Variants in TCF20 observed in about 807,000 individuals in gnomAD.
TCF20 encodes the protein SPRE-binding protein.
In TCF20, 3 loss-of-function variants were observed where a neutral mutation model predicts 148.6. The ratio of observed to expected loss-of-function variants is 0.02; its 90% CI spans 0.01 to 0.05. The LOEUF (loss-of-function observed/expected upper bound fraction) is 0.05. Ranked by LOEUF, TCF20 falls within the 10% of genes least tolerant of loss-of-function variation. The pLI is 1.00. For missense variants in TCF20, 2,350 were observed against 2,429.3 expected (o/e 0.97, Z 0.69); for synonymous variants, 1,049 against 909.5 (o/e 1.15, Z -2.76).
chr22:42,213,731 G>A lies in TCF20; in HGVS notation c.1575C>T (p.Ser525=). The A allele has an allele frequency of 6.2e-7, 1 of 1,614,080 alleles. No individual in the cohort carries two copies. Among genetic ancestry groups the A allele is most frequent in the Non-Finnish European group, 8.5e-7 (1 of 1,179,986 alleles). Residue 525 remains serine (S), a synonymous_variant, in exon 2 of 6, where the codon AGC becomes AGT. Transcript: ENST00000677622. ...CTCTCTCGCCTTGATCCTCTGAACT[G>A]CTGGAGCAGCCTCCATCTAATGACT... The part of the protein sequence containing the change: ...MAESLDGGCS[S]SSEDQGERVR...
intron 3 of TCF20, among the ~76,000 whole-genome samples, chr22:42,175,590 C>T (rs986180558): frequency 2.6e-5 from 4 of 152,150 alleles, no homozygotes; most frequent in Admixed American, 1.3e-4. Context: ...CCGCCCACTT[C>T]GGCCTCCCAA....
intron 1 of TCF20, among the ~76,000 whole-genome samples, chr22:42,312,099 T>C (rs1476224814): frequency 6.6e-6 from 1 of 152,090 alleles, no homozygotes; most frequent in East Asian, 1.9e-4. Context: ...CAGGAAGTAG[T>C]GATAGGGTAT....
At chr22:42,236,583 C>T (rs143879709) in intron 1 of TCF20, among the ~76,000 whole-genome samples, 3,093 of 152,292 alleles carry the variant, frequency 0.02, 49 homozygotes, top group Non-Finnish European at 0.032. Flanking sequence ...TCCCTTCTTC[C>T]CTGACCACTG....
intron 1 of TCF20, among the ~76,000 whole-genome samples, chr22:42,309,328 A>C (rs1040804494): frequency 2.6e-5 from 4 of 152,010 alleles, no homozygotes; most frequent in Non-Finnish European, 2.9e-5. Context: ...GGAACAGGGT[A>C]GGCTAGACAA....
rs1181801999 is a variant in TCF20 at position 42,161,496 on chromosome 22, T to C, written c.*45-138A>G. The C allele has an allele frequency of 3.2e-5, 36 of 1,132,130 alleles. 1 individual carries two copies. The highest frequency in any genetic ancestry group is 4.0e-5 in the Non-Finnish European group (31 of 771,526). The allele number at this position is 1,132,130 out of a possible 1,614,324, so 70.1% of individuals were successfully genotyped here. A position where few individuals can be genotyped will look rare whatever the true frequency, so the allele number is the denominator to read the frequency against. On this transcript the variant is annotated intron_variant, in intron 5 of 5. Transcript: ENST00000677622. ...CCCCTCTGCAGATGTGCTGCTGATATGGGACACACCCGAGACCAATGCCAG... is the reference window on the plus strand; with the variant it reads ...CCCCTCTGCAGATGTGCTGCTGATACGGGACACACCCGAGACCAATGCCAG...
chr22:42,191,062 C>T (rs1937307872), intron 2 of TCF20, among the ~76,000 whole-genome samples: 1 of 152,290 alleles, frequency 6.6e-6, no homozygotes, highest in Middle Eastern at 3.4e-3. Context: ...AAATAAAATA[C>T]ATCCATTTGC....
intron 4 of TCF20, among the ~76,000 whole-genome samples, 175 bp downstream of exon 4, chr22:42,169,672 T>A (rs1936001432): frequency 6.6e-6 from 1 of 151,816 alleles, no homozygotes; most frequent in African/African-American, 2.4e-5. Context: ...ATGCCACGGG[T>A]CTCCCTTCAG....
chr22:42,257,835 A>C (rs1169825783), intron 1 of TCF20, among the ~76,000 whole-genome samples: 1 of 152,200 alleles, frequency 6.6e-6, no homozygotes, highest in Non-Finnish European at 1.5e-5. Context: ...GGAGCCCAGC[A>C]CGGAAGAGAT....
At chr22:42,198,806 C>T (rs1361373528) in intron 2 of TCF20, among the ~76,000 whole-genome samples, 12 of 151,896 alleles carry the variant, frequency 7.9e-5, no homozygotes, top group Non-Finnish European at 1.5e-4. Flanking sequence ...GGACTACAGG[C>T]GCCCGCCACC....
At chr22:42,183,464 C>A (rs1936880339) in intron 2 of TCF20, among the ~76,000 whole-genome samples, 1 of 152,192 alleles carries the variant, frequency 6.6e-6, no homozygotes, top group African/African-American at 2.4e-5. Context: ...TCAGGGAGAC[C>A]TGATGATTTG....
intron 1 of TCF20, among the ~76,000 whole-genome samples, chr22:42,265,472 CTTT>C (rs1005932868): frequency 6.6e-6 from 1 of 152,132 alleles, no homozygotes; most frequent in African/African-American, 2.4e-5. Flanking sequence ...CACATCTGGC[CTTT>C]TTTATTTTGC....
intron 2 of TCF20, among the ~76,000 whole-genome samples, chr22:42,182,583 T>C (rs114686460): frequency 1.0e-3 from 157 of 152,330 alleles, no homozygotes; most frequent in African/African-American, 3.7e-3. Flanking sequence ...ATGATTAATT[T>C]ATAACATTGC....
chr22:42,309,657 C>T (rs1245339860), intron 1 of TCF20, among the ~76,000 whole-genome samples: 1 of 101,576 alleles, frequency 9.8e-6, no homozygotes, highest in Non-Finnish European at 2.0e-5. Flanking sequence ...AACGCCCCTG[C>T]AACTCCCCAC....
At chr22:42,183,589 T>A (rs973864130) in intron 2 of TCF20, among the ~76,000 whole-genome samples, 1 of 152,102 alleles carries the variant, frequency 6.6e-6, no homozygotes, top group African/African-American at 2.4e-5. Flanking sequence ...GACTCTGGAC[T>A]TTTCCAAAGC....
chr22:42,332,783 A>G (rs148473366), intron 1 of TCF20, among the ~76,000 whole-genome samples: 2 of 152,340 alleles, frequency 1.3e-5, no homozygotes, highest in African/African-American at 2.4e-5. Flanking sequence ...AATTTCTGAT[A>G]AAGCAACTGC....
chr22:42,322,956 G>A (rs1200962984), intron 1 of TCF20, among the ~76,000 whole-genome samples: 3 of 151,344 alleles, frequency 2.0e-5, no homozygotes, highest in Non-Finnish European at 4.4e-5. Flanking sequence ...GCCCAGGCTG[G>A]AGTGCAATGG....
intron 1 of TCF20, among the ~76,000 whole-genome samples, chr22:42,232,794 G>A (rs1375516639): frequency 1.6e-5 from 2 of 122,694 alleles, no homozygotes; most frequent in South Asian, 3.0e-4. Context: ...GCAAGACTCC[G>A]TCTCCAAAAA....
intron 1 of TCF20, among the ~76,000 whole-genome samples, chr22:42,324,577 T>A (rs557153488): frequency 6.7e-6 from 1 of 149,866 alleles, no homozygotes; most frequent in East Asian, 2.0e-4. Flanking sequence ...TCTCCACCAT[T>A]GGAGAAAATA....
chr22:42,230,983 ACC>A (rs1039749755), intron 1 of TCF20, among the ~76,000 whole-genome samples: 2 of 151,896 alleles, frequency 1.3e-5, no homozygotes, highest in Non-Finnish European at 2.9e-5. Flanking sequence ...ACACGGTGAA[ACC>A]CCGTCTCTAC....
Sources: gnomAD v4.1 joint callset for allele counts (sites outside exome capture counted in the v4.1 genomes callset) on GRCh38, gnomAD v4.1.1 for gene constraint, MANE v1.5 for transcripts, NCBI Gene and HGNC (gene_info 2026-07-23, HGNC 2026-07-21) for gene names.